MBOAT2: variants seen among roughly 807,000 people sequenced by gnomAD.
The protein encoded by MBOAT2 is membrane-bound glycerophospholipid O-acyltransferase 2.
A neutral mutation model predicts 63.4 loss-of-function variants in MBOAT2; 28 were observed. The observed-to-expected ratio is 0.44, with a 90% CI of 0.33 to 0.61. The LOEUF is 0.61. Ranked by LOEUF, MBOAT2 falls within the 20% of genes least tolerant of loss-of-function variation. The pLI is 0.03. For synonymous variants in MBOAT2, 211 were observed against 215.6 expected, an observed-to-expected ratio of 0.98 and a Z score of 0.19; for missense variants, 470 against 605.8, an observed-to-expected ratio of 0.78 and a Z score of 2.35.
intron 4 of MBOAT2, among the ~76,000 whole-genome samples, chr2:8,905,610 A>T (rs2148583548): frequency 6.6e-6 from 1 of 152,188 alleles, no homozygotes; most frequent in South Asian, 2.1e-4. Context: ...AACAATGAGA[A>T]CACTTGGACA....
rs1453945943 is a variant in MBOAT2 at position 8,943,195 on chromosome 2, G to A, written c.291C>T (p.Asn97=). The A allele has an allele frequency of 6.5e-7, 1 of 1,546,474 alleles. No individual in the cohort carries two copies. The highest frequency in any genetic ancestry group is 1.3e-5 in the South Asian group (1 of 79,370). ...YCIMIIIGVE[N]MHNYCFVFAL... Reference sequence around the variant, plus strand: ...ACAAAGTGAATACTTACTTGTGCATGTTCTCCACTCCTATGATGATCATGA... The same window carrying A: ...ACAAAGTGAATACTTACTTGTGCATATTCTCCACTCCTATGATGATCATGA... The change falls in exon 3 of 13, where the codon AAC becomes AAT. Residue 97 remains asparagine, a synonymous_variant. Transcript: ENST00000305997.
At chr2:8,913,461 C>T (rs1665933818) in intron 3 of MBOAT2, among the ~76,000 whole-genome samples, 1 of 151,460 alleles carries the variant, frequency 6.6e-6, no homozygotes, top group African/African-American at 2.4e-5. Flanking sequence ...CCAGAATCTA[C>T]AACGAACTCA....
At chr2:8,960,354 A>C (rs1669521421) in intron 1 of MBOAT2, among the ~76,000 whole-genome samples, 2 of 152,212 alleles carry the variant, frequency 1.3e-5, no homozygotes, top group Non-Finnish European at 2.9e-5. Context: ...CTAAACATGC[A>C]TGAGTCCCAG....
At chr2:8,882,591 C>A in intron 5 of MBOAT2, 26 bp from the exon 6 acceptor site, 2 of 1,612,190 alleles carry the variant, frequency 1.2e-6, no homozygotes, top group Non-Finnish European at 1.7e-6. Flanking sequence ...AGGTACTCAT[C>A]AATTAAGATT....
At chr2:8,913,174 C>G (rs542737485) in intron 3 of MBOAT2, among the ~76,000 whole-genome samples, 1 of 152,062 alleles carries the variant, frequency 6.6e-6, no homozygotes, top group Non-Finnish European at 1.5e-5. Flanking sequence ...TCACCTTATA[C>G]AAAAATCAAC....
At chr2:8,859,169 T>C (rs1406593877) in intron 12 of MBOAT2, among the ~76,000 whole-genome samples, 3 of 152,170 alleles carry the variant, frequency 2.0e-5, no homozygotes, top group Non-Finnish European at 4.4e-5. Flanking sequence ...CAGAAGGCCA[T>C]GGTTAAACAG....
At chr2:8,887,431 C>T (rs561166456) in intron 5 of MBOAT2, among the ~76,000 whole-genome samples, 11 of 152,204 alleles carry the variant, frequency 7.2e-5, no homozygotes, top group African/African-American at 2.6e-4. Context: ...GGTGGAGACA[C>T]AGTAGGGCTC....
At chr2:8,979,488 G>A (rs749565070) in intron 1 of MBOAT2, among the ~76,000 whole-genome samples, 1 of 152,032 alleles carries the variant, frequency 6.6e-6, no homozygotes. Flanking sequence ...TATAAGGACC[G>A]TGATTCTTAT....
intron 3 of MBOAT2, among the ~76,000 whole-genome samples, chr2:8,933,091 T>G (rs2103209149): frequency 7.3e-6 from 1 of 137,736 alleles, no homozygotes; most frequent in South Asian, 2.2e-4. Flanking sequence ...GCTGAATAAT[T>G]TTTTTTATCA....
chr2:8,882,014 A>T (rs1663174720), intron 6 of MBOAT2, among the ~76,000 whole-genome samples: 1 of 152,228 alleles, frequency 6.6e-6, no homozygotes, highest in Non-Finnish European at 1.5e-5. Flanking sequence ...AATGAAGTAG[A>T]AGCTTATCCC....
At chr2:8,909,549 T>C (rs1004904690) in intron 3 of MBOAT2, among the ~76,000 whole-genome samples, 3 of 152,124 alleles carry the variant, frequency 2.0e-5, no homozygotes, top group African/African-American at 7.2e-5. Flanking sequence ...ATATATGATA[T>C]AGGAGAAATC....
At chr2:8,976,420 AAGGAAG>A (rs1670819405) in intron 1 of MBOAT2, among the ~76,000 whole-genome samples, 1 of 152,156 alleles carries the variant, frequency 6.6e-6, no homozygotes, top group Non-Finnish European at 1.5e-5. Flanking sequence ...TATGAAGCCT[AAGGAAG>A]GGTTAAACTA....
At chr2:8,968,270 G>T (rs1188798913) in intron 1 of MBOAT2, among the ~76,000 whole-genome samples, 1 of 152,236 alleles carries the variant, frequency 6.6e-6, no homozygotes, top group East Asian at 1.9e-4. Flanking sequence ...GGAAAACAGG[G>T]TCTGGAGTGG....
At chr2:8,985,607 G>C in intron 1 of MBOAT2, among the ~76,000 whole-genome samples, 1 of 152,010 alleles carries the variant, frequency 6.6e-6, no homozygotes, top group Non-Finnish European at 1.5e-5. Flanking sequence ...ATCTGCCCTA[G>C]CTGCTTAGGC....
intron 1 of MBOAT2, among the ~76,000 whole-genome samples, chr2:8,994,301 T>C (rs533573342): frequency 6.6e-6 from 1 of 152,232 alleles, no homozygotes; most frequent in Non-Finnish European, 1.5e-5. Context: ...CGGGGCATGA[T>C]GGGACTGTTC....
chr2:8,945,793 C>G (rs1448828016), intron 2 of MBOAT2, among the ~76,000 whole-genome samples: 1 of 151,700 alleles, frequency 6.6e-6, no homozygotes, highest in East Asian at 1.9e-4. Flanking sequence ...TTCTGAATTT[C>G]AAGTCACACT....
intron 4 of MBOAT2, among the ~76,000 whole-genome samples, chr2:8,897,470 C>T (rs1183913340): frequency 6.6e-6 from 1 of 152,200 alleles, no homozygotes; most frequent in Admixed American, 6.5e-5. Flanking sequence ...CCCTTTCTTT[C>T]CATATTGCAG....
At chr2:8,942,416 G>A in intron 3 of MBOAT2, among the ~76,000 whole-genome samples, 1 of 152,128 alleles carries the variant, frequency 6.6e-6, no homozygotes, top group Non-Finnish European at 1.5e-5. Flanking sequence ...TTTCAATCAA[G>A]TACATTTTAT....
chr2:8,868,557 A>C lies in MBOAT2; in HGVS notation c.884-8T>G. 6.2e-7 allele frequency: 1 copy of C among 1,603,874 alleles called. No individual in the cohort carries two copies. Among genetic ancestry groups the C allele is most frequent in the Non-Finnish European group, 8.5e-7 (1 of 1,174,124 alleles). On this transcript the variant is annotated splice_region_variant and splice_polypyrimidine_tract_variant and intron_variant, in intron 8 of 12. Coordinates refer to ENST00000305997, the MANE Select transcript of MBOAT2 (RefSeq NM_138799.4). Reference sequence around the variant, plus strand: ...CATTATTAATGGCATCAGCTATAGAAAACAACATTAGAAAAAAGTATTAAG... The same window carrying C: ...CATTATTAATGGCATCAGCTATAGACAACAACATTAGAAAAAAGTATTAAG...
Sources: allele counts gnomAD v4.1 joint callset (sites outside exome capture counted in the v4.1 genomes callset), GRCh38; gene constraint gnomAD v4.1.1; transcripts MANE v1.5; gene names NCBI Gene and HGNC (gene_info 2026-07-23, HGNC 2026-07-21).